STEAP3: variants seen among roughly 807,000 people sequenced by gnomAD.
STEAP3 encodes STEAP3 metalloreductase, also known as metalloreductase STEAP3.
STEAP3 carries 35 observed loss-of-function variants against 34.9 expected under a neutral mutation model. The ratio of observed to expected loss-of-function variants is 1.00; its 90% CI spans 0.76 to 1.33. The LOEUF is 1.33. Ranked by LOEUF, STEAP3 falls within the 40% of genes most tolerant of loss-of-function variation. The pLI, the probability that STEAP3 is intolerant of heterozygous loss-of-function variation, is 0.00. For missense variants in STEAP3, 652 were observed against 667.6 expected (o/e 0.98, Z 0.26); for synonymous variants, 281 against 301.6 (o/e 0.93, Z 0.71).
chr2:119,258,662 C>T lies in STEAP3; in HGVS notation c.1215+3814C>T, dbSNP rs188812228. 5.0e-3 allele frequency among the ~76,000 whole-genome samples: 630 copies of T among 124,890 alleles called. 2 individuals carry two copies. The highest frequency in any genetic ancestry group is 8.4e-3 in the Admixed American group (80 of 9,506). The allele number at this position is 124,890 out of a possible 152,430, so 81.9% of individuals were successfully genotyped here. On this transcript the variant is annotated intron_variant, in intron 5 of 5. Coordinates refer to ENST00000393110, the MANE Select transcript of STEAP3 (RefSeq NM_182915.3). ...TCACTCCGTCACCCAGGCTGGAGTG[C>T]AGTGGCACAATCTCGGCTCACTGCA...
chr2:119,231,850 A>G (rs1170351422), intron 2 of STEAP3, among the ~76,000 whole-genome samples: 4 of 152,148 alleles, frequency 2.6e-5, no homozygotes, highest in East Asian at 1.9e-4. Flanking sequence ...AAATCTACCA[A>G]TTAGATGTGT....
At chr2:119,228,284 A>G (rs757696129) in intron 1 of STEAP3, among the ~76,000 whole-genome samples, 1 of 152,170 alleles carries the variant, frequency 6.6e-6, no homozygotes, top group African/African-American at 2.4e-5. Flanking sequence ...CAGCTAGAGG[A>G]TACAGTGGCT....
chr2:119,258,081 T>G (rs957203087), intron 5 of STEAP3, among the ~76,000 whole-genome samples: 1 of 152,188 alleles, frequency 6.6e-6, no homozygotes, highest in Non-Finnish European at 1.5e-5. Context: ...TCATGAGTTT[T>G]CCAGGAAAGG....
At chr2:119,234,804 G>A (rs1041273589) in intron 2 of STEAP3, among the ~76,000 whole-genome samples, 3 of 152,212 alleles carry the variant, frequency 2.0e-5, no homozygotes, top group Admixed American at 6.5e-5. Context: ...GGACCCTAGG[G>A]CTTGAGCATG....
chr2:119,225,427 G>T (rs1462375540), intron 1 of STEAP3, among the ~76,000 whole-genome samples: 1 of 152,246 alleles, frequency 6.6e-6, no homozygotes, highest in Non-Finnish European at 1.5e-5. Flanking sequence ...GGGAGCTCAG[G>T]CTGGGCCACT....
At chr2:119,244,134 G>A (rs1677333470) in intron 2 of STEAP3, among the ~76,000 whole-genome samples, 1 of 152,100 alleles carries the variant, frequency 6.6e-6, no homozygotes, top group Non-Finnish European at 1.5e-5. Context: ...GACTACAGTA[G>A]CATTAGGCAT....
Position 119,263,364 on chromosome 2 carries a change from C to CA in STEAP3, c.*26_*27insA, listed in dbSNP as rs766265633. The CA allele has an allele frequency of 3.1e-5, 50 of 1,604,146 alleles. No homozygotes were observed. Among genetic ancestry groups the CA allele is most frequent in the Non-Finnish European group, 4.3e-5 (50 of 1,175,890 alleles). On this transcript the variant is annotated 3_prime_UTR_variant, in exon 6 of 6. Coordinates refer to ENST00000393110, the MANE Select transcript of STEAP3 (RefSeq NM_182915.3). ...GGTGCCTGCCCTGGGCTCTGGACCCCGGGCACACGAGGGACGGTGCCCTGA... is the reference window on the plus strand; with the variant it reads ...GGTGCCTGCCCTGGGCTCTGGACCCCAGGGCACACGAGGGACGGTGCCCTGA...
chr2:119,246,945 A>G (rs1191451356), intron 3 of STEAP3: 3 of 152,210 alleles, frequency 2.0e-5, no homozygotes, highest in Admixed American at 2.0e-4. Context: ...TGAAAAATGA[A>G]GACTATAGTA....
chr2:119,256,124 G>A (rs187003373), intron 5 of STEAP3, among the ~76,000 whole-genome samples: 1 of 152,224 alleles, frequency 6.6e-6, no homozygotes, highest in South Asian at 2.1e-4. Context: ...TGTGCAGGGA[G>A]GACGTGGTAC....
intron 4 of STEAP3, 129 bp from the exon 5 acceptor site, chr2:119,254,555 A>G (rs1677717936): frequency 9.8e-7 from 1 of 1,019,606 alleles, no homozygotes; most frequent in Admixed American, 2.0e-5. Flanking sequence ...AACGCTTATC[A>G]CAGAGCCAGG....
intron 5 of STEAP3, among the ~76,000 whole-genome samples, chr2:119,260,374 G>A (rs1256438075): frequency 3.3e-5 from 5 of 151,096 alleles, no homozygotes; most frequent in Non-Finnish European, 4.4e-5. Context: ...GTGCAATGGC[G>A]TGATTTTGGC....
intron 2 of STEAP3, among the ~76,000 whole-genome samples, chr2:119,236,494 G>T (rs1037839732): frequency 6.6e-6 from 1 of 152,098 alleles, no homozygotes; most frequent in African/African-American, 2.4e-5. Context: ...CTAACGTTTT[G>T]CTGAGCCCGT....
chr2:119,251,344 G>A (rs770358678), intron 4 of STEAP3, among the ~76,000 whole-genome samples: 40 of 152,210 alleles, frequency 2.6e-4, no homozygotes, highest in Non-Finnish European at 3.8e-4. Flanking sequence ...CTGCAGATTA[G>A]GAGGCAAAGG....
At position 119,253,565 on chromosome 2, in the gene STEAP3, G is replaced by A. The variant is rs140618983; in HGVS notation, c.1051-1119G>A. Reference sequence around the variant, plus strand: ...TAAAGTGTAGTCACATCTTCTAATGGAAATACTGTTCCTTGTTCTGCTGAC... The same window carrying A: ...TAAAGTGTAGTCACATCTTCTAATGAAAATACTGTTCCTTGTTCTGCTGAC... On this transcript the variant is annotated intron_variant, in intron 4 of 5. Coordinates refer to ENST00000393110, the MANE Select transcript of STEAP3 (RefSeq NM_182915.3). Among the ~76,000 whole-genome samples, 1,372 of 152,160 alleles carry A rather than the reference G, an allele frequency of 9.0e-3. 24 individuals carry two copies. Among genetic ancestry groups the A allele is most frequent in the African/African-American group, 0.031 (1,305 of 41,504 alleles).
At chr2:119,237,638 C>T (rs62157663) in intron 2 of STEAP3, among the ~76,000 whole-genome samples, 3 of 152,316 alleles carry the variant, frequency 2.0e-5, no homozygotes, top group East Asian at 3.9e-4. Flanking sequence ...GCTCATGGAG[C>T]GCGCTTAAGC....
At chr2:119,249,436 C>A (rs1487236418) in intron 4 of STEAP3, among the ~76,000 whole-genome samples, 1 of 152,112 alleles carries the variant, frequency 6.6e-6, no homozygotes, top group Non-Finnish European at 1.5e-5. Flanking sequence ...CAGTGCCCAG[C>A]CCCGGGGCTG....
intron 1 of STEAP3, among the ~76,000 whole-genome samples, chr2:119,225,298 G>T (rs530028459): frequency 1.3e-5 from 2 of 152,360 alleles, no homozygotes. Context: ...TGGGCGGGGT[G>T]GGGTAGATGG....
intron 4 of STEAP3, among the ~76,000 whole-genome samples, chr2:119,253,025 CTGTGAGG>C (rs1573572259): frequency 6.6e-6 from 1 of 152,338 alleles, no homozygotes; most frequent in East Asian, 1.9e-4. Context: ...TCAATTCATG[CTGTGAGG>C]TGTGAGTAAG....
intron 3 of STEAP3, among the ~76,000 whole-genome samples, chr2:119,247,310 G>A (rs1381283686): frequency 1.3e-5 from 2 of 152,220 alleles, no homozygotes; most frequent in Non-Finnish European, 2.9e-5. Flanking sequence ...TTGCTGAGCG[G>A]CTCCCAGGGC....
Sources: allele counts gnomAD v4.1 joint callset (sites outside exome capture counted in the v4.1 genomes callset), GRCh38; gene constraint gnomAD v4.1.1; transcripts MANE v1.5; gene names NCBI Gene and HGNC (gene_info 2026-07-23, HGNC 2026-07-21).